The following SLC22A16 variants were observed in gnomAD, a reference collection of about 807,000 sequenced individuals.
The protein encoded by SLC22A16 is WUGSC:RG331P03.1.
Under a neutral mutation model 52.9 loss-of-function variants are expected in SLC22A16, and 53 were observed. The ratio of observed to expected loss-of-function variants is 1.00; its 90% CI spans 0.80 to 1.26. The LOEUF (loss-of-function observed/expected upper bound fraction) is 1.26. Among genes scored for constraint, SLC22A16 ranks in the 50% most tolerant of loss-of-function variants. The pLI, the probability that SLC22A16 is intolerant of heterozygous loss-of-function variation, is 0.00. For missense variants in SLC22A16, 726 were observed against 704.0 expected (o/e 1.03, Z -0.35); for synonymous variants, 291 against 268.8 (o/e 1.08, Z -0.81).
chr6:110,438,397 C>T (rs113047153), intron 5 of SLC22A16, among the ~76,000 whole-genome samples: 2 of 152,162 alleles, frequency 1.3e-5, no homozygotes, highest in African/African-American at 4.8e-5. Context: ...GTGATCAGAG[C>T]TCACTGCAGC....
chr6:110,442,269 A>G lies in SLC22A16; in HGVS notation c.1158T>C (p.Asn386=), dbSNP rs146182949. ...FSLNSVNLGG[N]EYLNLFLLGV... ...CCAGGAGGAAGAGGTTTAAGTATTCATTGCCTCCTAAGTTAACAGAATTCA... is the reference window on the plus strand; with the variant it reads ...CCAGGAGGAAGAGGTTTAAGTATTCGTTGCCTCCTAAGTTAACAGAATTCA... The change falls in exon 4 of 8, where the codon AAT becomes AAC. Residue 386 remains asparagine, a synonymous_variant. Coordinates refer to ENST00000368919, the MANE Select transcript of SLC22A16 (RefSeq NM_033125.4). The G allele has an allele frequency of 6.2e-7, 1 of 1,614,120 alleles. No individual in the cohort carries two copies. The highest frequency in any genetic ancestry group is 8.5e-7 in the Non-Finnish European group (1 of 1,180,010).
chr6:110,476,453 C>T, intron 1 of SLC22A16, 69 bp downstream of exon 1: 2 of 1,438,016 alleles, frequency 1.4e-6, no homozygotes, highest in Non-Finnish European at 1.8e-6. Context: ...GAGAACCCCG[C>T]CGCAACGGAA....
intron 1 of SLC22A16, among the ~76,000 whole-genome samples, chr6:110,470,552 T>C (rs1167593075): frequency 1.3e-5 from 2 of 152,120 alleles, no homozygotes; most frequent in African/African-American, 2.4e-5. Flanking sequence ...TACCAGCTTC[T>C]TCAGTTAGTT....
At chr6:110,438,097 C>T (rs1015026681) in intron 5 of SLC22A16, among the ~76,000 whole-genome samples, 6 of 151,946 alleles carry the variant, frequency 3.9e-5, no homozygotes, top group Admixed American at 1.3e-4. Flanking sequence ...AGAGTACACA[C>T]GGGTGCCAGA....
chr6:110,438,786 T>C lies in SLC22A16; in HGVS notation c.1245A>G (p.Arg415=), dbSNP rs1183021449. The part of the protein sequence containing the change: ...VCIAMDKVGR[R]TVLAYSLFCS... The stretch of plus-strand genomic sequence containing the variant: ...AGAAAAGAGAGTAGGCCAGGACTGT[T>C]CTCCTCCCGACCTTGTCCATGGCGA... The change falls in exon 5 of 8, where the codon AGA becomes AGG. Residue 415 remains arginine (R), a synonymous_variant. Coordinates refer to ENST00000368919, the MANE Select transcript of SLC22A16 (RefSeq NM_033125.4). 1 of 1,614,014 alleles carries C rather than the reference T, an allele frequency of 6.2e-7. No homozygotes were observed. Among genetic ancestry groups the C allele is most frequent in the Non-Finnish European group, 8.5e-7 (1 of 1,179,998 alleles).
intron 1 of SLC22A16, among the ~76,000 whole-genome samples, chr6:110,470,030 C>T (rs1000260891): frequency 6.6e-6 from 1 of 151,794 alleles, no homozygotes; most frequent in Non-Finnish European, 1.5e-5. Flanking sequence ...CCTAGGAGAT[C>T]CTAGAGGGAA....
chr6:110,476,231 G>A (rs1303265866), intron 1 of SLC22A16: 3 of 761,654 alleles, frequency 3.9e-6, no homozygotes. Context: ...GATGCCTCCA[G>A]CATCTGCTGC....
rs1419963705 is a variant in SLC22A16, at chr6:110,442,771, G to A, written c.656C>T (p.Ala219Val). 1.2e-6 allele frequency: 2 copies of A among 1,610,832 alleles called. No individual in the cohort carries two copies. The highest frequency in any genetic ancestry group is 1.7e-6 in the Non-Finnish European group (2 of 1,178,760). Residue 219 changes from alanine to valine, a missense_variant, in exon 4 of 8, where the codon GCA becomes GTA. Physicochemically the swap from Ala to Val is moderately conservative, Grantham distance 64. Coordinates refer to ENST00000368919, the MANE Select transcript of SLC22A16 (RefSeq NM_033125.4). ...AAACCCCACCACAAGATAGCCACTT[G>A]CAACCTGAAAAACAAATAATAGGGA... is the stretch of plus-strand genomic sequence containing the variant. ...MAARFFLAMV[A>V]SGYLVVGFVY... is the part of the protein sequence containing the mutation.
intron 1 of SLC22A16, 68 bp downstream of exon 1, chr6:110,476,454 C>A: frequency 7.0e-7 from 1 of 1,438,298 alleles, no homozygotes; most frequent in Non-Finnish European, 9.1e-7. Context: ...AGAACCCCGC[C>A]GCAACGGAAA....
rs1267952149 is a variant in SLC22A16, at chr6:110,435,941, C to G, written c.1332G>C (p.Val444=). The stretch of plus-strand genomic sequence containing the variant: ...CAAATTTTCCAACCATAGCTGTCAC[C>G]ACACCCAAAATATAATGTTTCTGAA... ...VIPQKHYILG[V]VTAMVGKFAI... The change falls in exon 6 of 8, where the codon GTG becomes GTC. Residue 444 remains valine, a synonymous_variant. Transcript: ENST00000368919. 3 of 1,613,564 alleles carry G rather than the reference C, an allele frequency of 1.9e-6. No homozygotes were observed. In the African/African-American group the frequency reaches 4.0e-5, roughly 22 times the overall value.
chr6:110,445,772 C>A (rs563195293), intron 3 of SLC22A16, among the ~76,000 whole-genome samples: 67 of 152,260 alleles, frequency 4.4e-4, no homozygotes, highest in African/African-American at 1.6e-3. Context: ...CTTTGTGGAG[C>A]CTTCAGTCCC....
intron 1 of SLC22A16, chr6:110,476,276 C>A: frequency 1.6e-6 from 2 of 1,255,880 alleles, no homozygotes; most frequent in Admixed American, 3.2e-5. Flanking sequence ...TCCTGCCCGG[C>A]AACAGGCGCA....
At position 110,442,727 on chromosome 6, in the gene SLC22A16, T is replaced by C. The variant is rs775537050; in HGVS notation, c.700A>G (p.Ile234Val). ...GCCCATGTCCGAGACTTCATGCCAA[T>C]GAATTCCATCACATAGACAAACCCC... The part of the protein sequence containing the change: ...VVGFVYVMEF[I>V]GMKSRTWASV... Residue 234 changes from isoleucine (I) to valine (V), a missense_variant, in exon 4 of 8, where the codon ATT becomes GTT. By Grantham distance (29) the Ile-to-Val change is conservative. Transcript: ENST00000368919. The C allele has an allele frequency of 6.2e-7, 1 of 1,614,106 alleles. No individual in the cohort carries two copies.
intron 7 of SLC22A16, 135 bp from the exon 8 acceptor site, chr6:110,425,220 G>T: frequency 6.6e-7 from 1 of 1,518,098 alleles, no homozygotes; most frequent in Non-Finnish European, 8.8e-7. Flanking sequence ...TGATTACTCG[G>T]TGAGATCTTT....
chr6:110,451,675 T>C (rs1257088380), intron 2 of SLC22A16, among the ~76,000 whole-genome samples: 1 of 152,222 alleles, frequency 6.6e-6, no homozygotes, highest in Non-Finnish European at 1.5e-5. Flanking sequence ...AATTTAGTTA[T>C]ATGTAAAGCA....
chr6:110,476,143 C>T, intron 1 of SLC22A16: 1 of 394,976 alleles, frequency 2.5e-6, no homozygotes, highest in Non-Finnish European at 4.8e-6. Context: ...GAAGTGGCGG[C>T]GGATTAGAGA....
chr6:110,431,105 T>C, intron 7 of SLC22A16, 66 bp downstream of exon 7: 2 of 1,287,174 alleles, frequency 1.6e-6, no homozygotes, highest in Non-Finnish European at 2.3e-6. Context: ...AATAGAGAAG[T>C]TGCTAATAGG....
chr6:110,436,311 A>C (rs1318883708), intron 5 of SLC22A16, among the ~76,000 whole-genome samples: 2 of 152,196 alleles, frequency 1.3e-5, no homozygotes, highest in Non-Finnish European at 2.9e-5. Context: ...GATCCAGCAG[A>C]ATGAATCAAG....
At chr6:110,469,485 T>G (rs1453609116) in intron 1 of SLC22A16, among the ~76,000 whole-genome samples, 2 of 152,216 alleles carry the variant, frequency 1.3e-5, no homozygotes, top group African/African-American at 2.4e-5. Flanking sequence ...GAAGCATACG[T>G]TGCAGTGAGC....
Sources: allele counts gnomAD v4.1 joint callset (sites outside exome capture counted in the v4.1 genomes callset), GRCh38; gene constraint gnomAD v4.1.1; transcripts MANE v1.5; gene names NCBI Gene and HGNC (gene_info 2026-07-23, HGNC 2026-07-21).